PHF24: variants seen among roughly 807,000 people sequenced by gnomAD.
PHF24 encodes PHD finger protein 24.
A neutral mutation model predicts 42.6 loss-of-function variants in PHF24; 25 were observed. The ratio of observed to expected loss-of-function variants is 0.59; its 90% CI spans 0.43 to 0.82. The LOEUF is 0.82. PHF24 is among the 40% of genes least tolerant of loss of function. The probability of loss-of-function intolerance (pLI) is 0.00; values close to 1 mark genes in which losing one functional copy is unlikely to be tolerated. For synonymous variants in PHF24, 185 were observed against 204.8 expected (o/e 0.90, Z 0.83); for missense variants, 470 against 538.1 (o/e 0.87, Z 1.25).
chr9:34,766,771 G>A, the PHF24 span, among the ~76,000 whole-genome samples: 1 of 152,184 alleles, frequency 6.6e-6, no homozygotes, highest in Admixed American at 6.5e-5. Context: ...AGGAGGAGAG[G>A]TGCTCTGCTT....
the PHF24 span, among the ~76,000 whole-genome samples, chr9:34,927,797 AGTTT>A: frequency 6.6e-6 from 1 of 151,900 alleles, no homozygotes; most frequent in African/African-American, 2.4e-5. Context: ...GTCAAACCTT[AGTTT>A]GTTTATTCAT....
upstream of PHF24, among the ~76,000 whole-genome samples, chr9:34,957,074 G>GT (rs1473641575): frequency 1.1e-4 from 16 of 152,310 alleles, no homozygotes; most frequent in Middle Eastern, 3.4e-3. Flanking sequence ...CAAAGGGATG[G>GT]TGTGAAAATT....
the PHF24 span, among the ~76,000 whole-genome samples, chr9:34,714,146 G>A: frequency 6.6e-6 from 1 of 152,276 alleles, no homozygotes; most frequent in Non-Finnish European, 1.5e-5. Flanking sequence ...AGACCTTAAG[G>A]CTGAGACCTT....
At chr9:34,897,180 A>G in the PHF24 span, among the ~76,000 whole-genome samples, 1 of 152,144 alleles carries the variant, frequency 6.6e-6, no homozygotes, top group African/African-American at 2.4e-5. Context: ...AAAATCTCTG[A>G]AAAGGGTATT....
At chr9:34,828,426 G>T in the PHF24 span, among the ~76,000 whole-genome samples, 11 of 152,174 alleles carry the variant, frequency 7.2e-5, no homozygotes, top group East Asian at 1.9e-3. Context: ...GGCGTGCTAT[G>T]TATCTCATAT....
chr9:34,860,369 A>G, the PHF24 span, among the ~76,000 whole-genome samples: 1 of 152,308 alleles, frequency 6.6e-6, no homozygotes, highest in Non-Finnish European at 1.5e-5. Flanking sequence ...TAGTTCTGGC[A>G]TGATTTTAAT....
the PHF24 span, among the ~76,000 whole-genome samples, chr9:34,830,745 G>T: frequency 6.6e-6 from 1 of 152,098 alleles, no homozygotes; most frequent in Non-Finnish European, 1.5e-5. Context: ...CCCAAAGCAG[G>T]TCTGTAGGAG....
At chr9:34,862,991 A>C in the PHF24 span, among the ~76,000 whole-genome samples, 1 of 151,736 alleles carries the variant, frequency 6.6e-6, no homozygotes, top group Non-Finnish European at 1.5e-5. Flanking sequence ...ATAAGTGTAC[A>C]TCAGCAATAG....
the PHF24 span, among the ~76,000 whole-genome samples, chr9:34,777,105 G>A: frequency 1.2e-4 from 18 of 152,336 alleles, no homozygotes; most frequent in African/African-American, 4.1e-4. Flanking sequence ...ATTGGTGGCA[G>A]CAGTAGCTGA....
intron 1 of PHF24, among the ~76,000 whole-genome samples, chr9:34,965,671 C>G (rs10972273): frequency 0.24 from 35,999 of 151,940 alleles, 5,046 homozygotes; most frequent in East Asian, 0.67. Flanking sequence ...GGTATCCTTA[C>G]AGTTAATAAT....
At chr9:34,919,691 T>TACACACACACACACACACAC in the PHF24 span, among the ~76,000 whole-genome samples, 11,517 of 148,020 alleles carry the variant, frequency 0.078, 528 homozygotes, top group Admixed American at 0.13. Context: ...ACCCAGTAAT[T>TACACACACACACACACACAC]ACACACACAC....
the PHF24 span, among the ~76,000 whole-genome samples, chr9:34,901,616 G>A: frequency 6.6e-6 from 1 of 152,090 alleles, no homozygotes; most frequent in Non-Finnish European, 1.5e-5. Context: ...TAAAAATAGG[G>A]GGTCGGGCGT....
At chr9:34,789,274 C>T in the PHF24 span, among the ~76,000 whole-genome samples, 1 of 152,130 alleles carries the variant, frequency 6.6e-6, no homozygotes, top group Non-Finnish European at 1.5e-5. Flanking sequence ...GTCAGCAGCC[C>T]CCTTTGCCTC....
chr9:34,774,411 AAC>A, the PHF24 span, among the ~76,000 whole-genome samples: 1 of 152,174 alleles, frequency 6.6e-6, no homozygotes, highest in Non-Finnish European at 1.5e-5. Flanking sequence ...AAACAAAAAA[AAC>A]AAACAATCCA....
the PHF24 span, among the ~76,000 whole-genome samples, chr9:34,948,442 A>G: frequency 2.6e-5 from 4 of 152,208 alleles, no homozygotes; most frequent in African/African-American, 9.7e-5. Flanking sequence ...CAGTCCTGCA[A>G]GCTCCATTCA....
the PHF24 span, among the ~76,000 whole-genome samples, chr9:34,780,606 A>G: frequency 9.1e-4 from 138 of 152,266 alleles, no homozygotes; most frequent in African/African-American, 3.1e-3. Context: ...CTTAAATATT[A>G]CACCAAAAGC....
chr9:34,867,508 G>A, the PHF24 span, among the ~76,000 whole-genome samples: 24 of 152,174 alleles, frequency 1.6e-4, no homozygotes, highest in African/African-American at 5.8e-4. Context: ...GGCTGAGTAG[G>A]AACAGGCTTC....
the PHF24 span, among the ~76,000 whole-genome samples, chr9:34,878,058 G>A: frequency 6.6e-6 from 1 of 152,120 alleles, no homozygotes; most frequent in Non-Finnish European, 1.5e-5. Flanking sequence ...ACAGGCTTTA[G>A]TTAATAATAA....
At chr9:34,930,089 C>T in the PHF24 span, among the ~76,000 whole-genome samples, 2 of 152,110 alleles carry the variant, frequency 1.3e-5, no homozygotes, top group East Asian at 1.9e-4. Context: ...AGCATTTCCA[C>T]GTAAAATAGA....
Sources: gnomAD v4.1 joint callset for allele counts (sites outside exome capture counted in the v4.1 genomes callset) on GRCh38, gnomAD v4.1.1 for gene constraint, MANE v1.5 for transcripts, NCBI Gene and HGNC (gene_info 2026-07-23, HGNC 2026-07-21) for gene names.